SLIT3: variants seen among roughly 807,000 people sequenced by gnomAD.
SLIT3 encodes slit homolog 3 protein.
In SLIT3, 68 loss-of-function variants were observed where a neutral mutation model predicts 184.0. The observed-to-expected ratio is 0.37, with a 90% CI of 0.30 to 0.45. SLIT3 has a LOEUF of 0.45. Among genes scored for constraint, SLIT3 ranks in the 20% least tolerant of loss-of-function variants. The pLI is 1.00. For missense variants in SLIT3, 1,707 were observed against 2,026.0 expected (o/e 0.84, Z 3.02); for synonymous variants, 831 against 828.6 (o/e 1.00, Z -0.05).
intron 4 of SLIT3, among the ~76,000 whole-genome samples, chr5:169,108,021 A>G (rs1479948089): frequency 2.0e-5 from 3 of 152,158 alleles, no homozygotes; most frequent in Admixed American, 6.6e-5. Flanking sequence ...TAGACATGTA[A>G]TGCTTCAATC....
intron 4 of SLIT3, among the ~76,000 whole-genome samples, chr5:168,996,828 G>A (rs1755525377): frequency 6.6e-6 from 1 of 152,194 alleles, no homozygotes; most frequent in Non-Finnish European, 1.5e-5. Context: ...CCGCTGGGAT[G>A]CAAAAGCAAG....
At chr5:169,170,758 C>CTT (rs35315435) in intron 4 of SLIT3, among the ~76,000 whole-genome samples, 14,400 of 152,222 alleles carry the variant, frequency 0.095, 838 homozygotes, top group South Asian at 0.15. Context: ...ATGGGCCAAA[C>CTT]ATTCCTATTG....
intron 20 of SLIT3, among the ~76,000 whole-genome samples, chr5:168,746,992 G>A (rs1202726634): frequency 6.8e-6 from 1 of 146,806 alleles, no homozygotes; most frequent in Non-Finnish European, 1.5e-5. Context: ...GTGTGGATGT[G>A]TGGTGTGTGG....
chr5:169,273,040 G>A (rs768892016), intron 1 of SLIT3, among the ~76,000 whole-genome samples: 3 of 151,974 alleles, frequency 2.0e-5, no homozygotes, highest in Admixed American at 6.6e-5. Context: ...ACTCAGCACC[G>A]ACACACATGG....
At chr5:169,233,150 C>T (rs1040272032) in intron 3 of SLIT3, among the ~76,000 whole-genome samples, 3 of 152,082 alleles carry the variant, frequency 2.0e-5, no homozygotes, top group Non-Finnish European at 2.9e-5. Context: ...CTCAGCCTCC[C>T]GAGTAGCTGG....
chr5:168,979,588 G>C (rs1754882092), intron 4 of SLIT3, among the ~76,000 whole-genome samples: 1 of 152,196 alleles, frequency 6.6e-6, no homozygotes, highest in Admixed American at 6.5e-5. Flanking sequence ...TCCAGAGAAA[G>C]CTCTTCAGAC....
At chr5:169,222,313 C>CA (rs948444414) in intron 3 of SLIT3, among the ~76,000 whole-genome samples, 16 of 151,968 alleles carry the variant, frequency 1.1e-4, no homozygotes, top group African/African-American at 3.9e-4. Context: ...CATACATCAC[C>CA]AAAAAAATCC....
intron 32 of SLIT3, among the ~76,000 whole-genome samples, chr5:168,674,940 C>G (rs1761361746): frequency 6.6e-6 from 1 of 152,086 alleles, no homozygotes; most frequent in Non-Finnish European, 1.5e-5. Context: ...AAGTGGGTGC[C>G]AGATATCCTA....
intron 4 of SLIT3, among the ~76,000 whole-genome samples, chr5:168,975,638 T>C (rs1405390107): frequency 2.0e-5 from 3 of 152,166 alleles, no homozygotes; most frequent in African/African-American, 7.2e-5. Context: ...TAAAAATAAA[T>C]TTTAAGCATC....
chr5:169,119,084 A>G (rs1042702950), intron 4 of SLIT3, among the ~76,000 whole-genome samples: 5 of 152,186 alleles, frequency 3.3e-5, no homozygotes, highest in Admixed American at 3.3e-4. Context: ...TGGATCCAAA[A>G]TCTGTCTACT....
chr5:168,929,083 C>T (rs1761914234), intron 4 of SLIT3, among the ~76,000 whole-genome samples: 1 of 152,162 alleles, frequency 6.6e-6, no homozygotes, highest in Admixed American at 6.5e-5. Context: ...GTTCAATCCT[C>T]ACAACAACCC....
At chr5:169,170,163 A>T (rs115085962) in intron 4 of SLIT3, among the ~76,000 whole-genome samples, 2 of 152,340 alleles carry the variant, frequency 1.3e-5, no homozygotes, top group Non-Finnish European at 2.9e-5. Flanking sequence ...CCACATTTGA[A>T]CACCTCATGC....
intron 3 of SLIT3, among the ~76,000 whole-genome samples, chr5:169,235,016 G>T (rs1765146371): frequency 1.3e-5 from 2 of 152,096 alleles, no homozygotes. Flanking sequence ...ACCCCTCAGA[G>T]TTGACTTTTC....
At chr5:169,156,325 G>A (rs148131557) in intron 4 of SLIT3, among the ~76,000 whole-genome samples, 1 of 152,324 alleles carries the variant, frequency 6.6e-6, no homozygotes, top group Non-Finnish European at 1.5e-5. Context: ...CAGTGTACAT[G>A]CACACGTGTA....
intron 4 of SLIT3, among the ~76,000 whole-genome samples, chr5:169,076,823 TGACA>T (rs1386044078): frequency 2.0e-5 from 3 of 152,162 alleles, no homozygotes; most frequent in Admixed American, 6.6e-5. Flanking sequence ...GTACAGGACT[TGACA>T]GTCAATCAAG....
rs989287965 is a variant in SLIT3 at position 168,662,159 on chromosome 5, T to G, written c.*4295A>C. On this transcript the variant is annotated 3_prime_UTR_variant, in exon 36 of 36. Coordinates refer to ENST00000519560, the MANE Select transcript of SLIT3 (RefSeq NM_003062.4). ...AAGAACTTTGGCCTGGGTGGACACATGGGGTTAATTATCTGTGTGTCTTTG... is the reference window on the plus strand; with the variant it reads ...AAGAACTTTGGCCTGGGTGGACACAGGGGGTTAATTATCTGTGTGTCTTTG... 6.6e-6 allele frequency: 1 copy of G among 152,212 alleles called. No individual in the cohort carries two copies. The highest frequency in any genetic ancestry group is 6.5e-5 in the Admixed American group (1 of 15,276). 9.4% of individuals were successfully genotyped at this position (152,212 alleles called of 1,614,324 possible). A position where few individuals can be genotyped will look rare whatever the true frequency, so the allele number is the denominator to read the frequency against.
intron 1 of SLIT3, among the ~76,000 whole-genome samples, chr5:169,290,657 C>T (rs1054055452): frequency 3.5e-5 from 5 of 141,304 alleles, no homozygotes; most frequent in East Asian, 2.2e-4. Context: ...TGCTAGGGCA[C>T]GCACTAGGGC....
At chr5:169,176,609 T>C (rs918361993) in intron 4 of SLIT3, among the ~76,000 whole-genome samples, 8 of 152,220 alleles carry the variant, frequency 5.3e-5, no homozygotes, top group African/African-American at 1.2e-4. Context: ...ACATTTTTTC[T>C]TCTGGTAGAA....
intron 12 of SLIT3, among the ~76,000 whole-genome samples, chr5:168,783,397 A>G (rs775497074): frequency 1.3e-5 from 2 of 151,936 alleles, no homozygotes; most frequent in Admixed American, 1.3e-4. Context: ...CAAGTTTGAT[A>G]GGATGGCCAA....
Sources: gnomAD v4.1 joint callset for allele counts (sites outside exome capture counted in the v4.1 genomes callset) on GRCh38, gnomAD v4.1.1 for gene constraint, MANE v1.5 for transcripts, NCBI Gene and HGNC (gene_info 2026-07-23, HGNC 2026-07-21) for gene names.